Variants in GOLGA4 observed in about 807,000 individuals in gnomAD.
The protein encoded by GOLGA4 is golgin subfamily A member 4.
Under a neutral mutation model 265.9 loss-of-function variants are expected in GOLGA4, and 169 were observed. The ratio of observed to expected loss-of-function variants is 0.64; its 90% CI spans 0.56 to 0.72. The LOEUF is 0.72. GOLGA4 is among the 30% of genes least tolerant of loss of function. The pLI is 0.00. For synonymous variants in GOLGA4, 923 were observed against 855.8 expected, an observed-to-expected ratio of 1.08 and a Z score of -1.37; for missense variants, 2,482 against 2,483.4, an observed-to-expected ratio of 1.00 and a Z score of 0.01.
Position 37,327,002 on chromosome 3 carries a change from T to C in GOLGA4, c.5116T>C (p.Leu1706=). The change falls in exon 14 of 24, where the codon TTA becomes CTA. Residue 1706 remains leucine, a synonymous_variant. Transcript: ENST00000361924. ...AGTGGAAAGTTCACAGTCAGAAACA[T>C]TAATTGTACCCAGATCAGCAAAAAA... ...KSVESSQSET[L]IVPRSAKNVA... 6.2e-7 allele frequency: 1 copy of C among 1,613,834 alleles called. No homozygotes were observed. Among genetic ancestry groups the C allele is most frequent in the Non-Finnish European group, 8.5e-7 (1 of 1,179,808 alleles).
Position 37,366,220 on chromosome 3 carries a change from C to T in GOLGA4, c.*174C>T, listed in dbSNP as rs1696736460. ...GCCAAAAGACCAAGAAAAATCTGGC[C>T]CACAGATAAGTTGCAGACTGCCTTT... On this transcript the variant is annotated 3_prime_UTR_variant, in exon 24 of 24. Transcript: ENST00000361924. 1 of 717,148 alleles carries T rather than the reference C, an allele frequency of 1.4e-6. No individual in the cohort carries two copies. The highest frequency in any genetic ancestry group is 2.2e-6 in the Non-Finnish European group (1 of 462,268). 44.4% of individuals were successfully genotyped at this position (717,148 alleles called of 1,614,324 possible).
intron 9 of GOLGA4, among the ~76,000 whole-genome samples, chr3:37,301,105 C>G (rs1003461363): frequency 5.3e-5 from 8 of 152,200 alleles, no homozygotes; most frequent in Non-Finnish European, 1.2e-4. Flanking sequence ...CAAGGGTTGG[C>G]AAACCCTGTG....
intron 20 of GOLGA4, chr3:37,341,603 T>C (rs2097034325): frequency 6.6e-6 from 1 of 152,224 alleles, no homozygotes; most frequent in South Asian, 2.1e-4. Flanking sequence ...GATTATTTAC[T>C]ATAGCTAAGT....
intron 19 of GOLGA4, among the ~76,000 whole-genome samples, chr3:37,338,219 T>A (rs1032181140): frequency 6.6e-6 from 1 of 152,206 alleles, no homozygotes; most frequent in Non-Finnish European, 1.5e-5. Flanking sequence ...TAAAGTCTTT[T>A]TCTAAACTCT....
intron 21 of GOLGA4, among the ~76,000 whole-genome samples, chr3:37,348,674 T>C (rs182125976): frequency 6.6e-6 from 1 of 152,278 alleles, no homozygotes; most frequent in East Asian, 1.9e-4. Context: ...CTCAGAACTT[T>C]AGCTACCTTG....
intron 22 of GOLGA4, among the ~76,000 whole-genome samples, chr3:37,359,620 T>C (rs2097099289): frequency 6.6e-6 from 1 of 152,164 alleles, no homozygotes; most frequent in Admixed American, 6.5e-5. Context: ...TCAACTTTGC[T>C]TTCACACTGA....
intron 21 of GOLGA4, among the ~76,000 whole-genome samples, chr3:37,350,469 T>C (rs1347242685): frequency 6.6e-6 from 1 of 152,150 alleles, no homozygotes; most frequent in African/African-American, 2.4e-5. Context: ...TATGTGGTGT[T>C]GATATTAGAG....
rs752103065 is a variant in GOLGA4, at chr3:37,276,150, G to A, written c.163-5808G>A. ...AGGGAGATGCTTGCTGCAGCTCTTC[G>A]AACAGGGGATGACTACATTGCAATT... On this transcript the variant is annotated intron_variant, in intron 2 of 23. Transcript: ENST00000361924. 3.7e-4 allele frequency: 597 copies of A among 1,604,246 alleles called. 1 individual carries two copies. The highest frequency in any genetic ancestry group is 6.0e-4 in the Admixed American group (35 of 58,422).
Position 37,330,898 on chromosome 3 carries a change from A to G in GOLGA4, c.6192+1805A>G, listed in dbSNP as rs113961360. Among the ~76,000 whole-genome samples, 445 of 152,174 alleles carry G rather than the reference A, an allele frequency of 2.9e-3. 5 individuals are homozygous for G. Among genetic ancestry groups the G allele is most frequent in the African/African-American group, 9.8e-3 (408 of 41,512 alleles). ...AAAAAAATTAGCCAGGTGTGGTGGCATGTGCTTGTAATCCCAGCTACTCAG... is the reference window on the plus strand; with the variant it reads ...AAAAAAATTAGCCAGGTGTGGTGGCGTGTGCTTGTAATCCCAGCTACTCAG... On this transcript the variant is annotated intron_variant, in intron 16 of 23. Transcript: ENST00000361924.
chr3:37,317,745 T>A (rs1303237022), intron 11 of GOLGA4, among the ~76,000 whole-genome samples: 3 of 152,186 alleles, frequency 2.0e-5, no homozygotes, highest in Non-Finnish European at 2.9e-5. Context: ...TTTTTCTATT[T>A]ATTTGGCGAA....
chr3:37,342,820 A>T (rs995310598), intron 20 of GOLGA4, among the ~76,000 whole-genome samples: 27 of 152,274 alleles, frequency 1.8e-4, no homozygotes, highest in African/African-American at 6.3e-4. Context: ...TGTTTGCTAT[A>T]TTTTTTGTAG....
At position 37,260,199 on chromosome 3, in the gene GOLGA4, A is replaced by C. The variant is rs565724890; in HGVS notation, c.162+8715A>C. On this transcript the variant is annotated intron_variant, in intron 2 of 23. Transcript: ENST00000361924. ...AGCAAAAAAGTCTCATAATGTTTTAAGAAAGTTTATGAACTTGTGTTGGGC... is the reference window on the plus strand; with the variant it reads ...AGCAAAAAAGTCTCATAATGTTTTACGAAAGTTTATGAACTTGTGTTGGGC... 5.9e-5 allele frequency among the ~76,000 whole-genome samples: 9 copies of C among 152,008 alleles called. No homozygotes were observed. In the South Asian group the frequency reaches 1.9e-3, roughly 32 times the overall value.
At chr3:37,273,300 A>G (rs1454414648) in intron 2 of GOLGA4, among the ~76,000 whole-genome samples, 1 of 152,210 alleles carries the variant, frequency 6.6e-6, no homozygotes, top group African/African-American at 2.4e-5. Flanking sequence ...GTTTTTCTAC[A>G]TACTAATCTT....
chr3:37,302,419 A>G, intron 10 of GOLGA4, 87 bp downstream of exon 10: 5 of 1,144,930 alleles, frequency 4.4e-6, no homozygotes, highest in Non-Finnish European at 6.2e-6. Context: ...TGAGTTAAAT[A>G]TTGATAAAAA....
chr3:37,251,373 G>T, intron 1 of GOLGA4, 22 bp from the exon 2 acceptor site: 1 of 1,484,486 alleles, frequency 6.7e-7, no homozygotes, highest in Non-Finnish European at 9.4e-7. Context: ...TTGCTAATTT[G>T]TGCAATAATT....
At chr3:37,275,613 G>A (rs558636702) in intron 2 of GOLGA4, 162 of 1,520,402 alleles carry the variant, frequency 1.1e-4, no homozygotes, top group Non-Finnish European at 1.4e-4. Context: ...GCCGGGGGTC[G>A]CTCCTGCTGT....
intron 2 of GOLGA4, among the ~76,000 whole-genome samples, chr3:37,260,420 G>A (rs1018818671): frequency 6.6e-6 from 1 of 151,610 alleles, no homozygotes; most frequent in Non-Finnish European, 1.5e-5. Flanking sequence ...TCAGGAGTTC[G>A]AGACCAGCCT....
intron 2 of GOLGA4, chr3:37,266,760 C>A: frequency 3.6e-6 from 2 of 548,180 alleles, no homozygotes; most frequent in Non-Finnish European, 3.1e-6. Context: ...GTGGTGAGAA[C>A]ACTTTGCAAC....
At chr3:37,362,519 C>A (rs950364132) in intron 23 of GOLGA4, among the ~76,000 whole-genome samples, 10 of 150,520 alleles carry the variant, frequency 6.6e-5, no homozygotes, top group Admixed American at 6.6e-5. Flanking sequence ...GGATTACAGG[C>A]GTGAGCCGCG....
Sources: allele counts gnomAD v4.1 joint callset (sites outside exome capture counted in the v4.1 genomes callset), GRCh38; gene constraint gnomAD v4.1.1; transcripts MANE v1.5; gene names NCBI Gene and HGNC (gene_info 2026-07-23, HGNC 2026-07-21).